NFAT5: variants seen among roughly 807,000 people sequenced by gnomAD.
The protein encoded by NFAT5 is nuclear factor of activated T cells 5, also known as nuclear factor of activated T-cells 5.
In NFAT5, 31 loss-of-function variants were observed where a neutral mutation model predicts 166.5. The ratio of observed to expected loss-of-function variants is 0.19; its 90% CI spans 0.14 to 0.25. The LOEUF (loss-of-function observed/expected upper bound fraction) is 0.25. NFAT5 is among the 10% of genes least tolerant of loss of function. The probability of loss-of-function intolerance (pLI) is 1.00; values close to 1 mark genes in which losing one functional copy is unlikely to be tolerated. For synonymous variants in NFAT5, 612 were observed against 639.7 expected (o/e 0.96, Z 0.65); for missense variants, 1,449 against 1,821.8 (o/e 0.80, Z 3.72).
chr16:69,679,698 A>C (rs949195510), intron 10 of NFAT5, among the ~76,000 whole-genome samples: 3 of 152,242 alleles, frequency 2.0e-5, no homozygotes, highest in Non-Finnish European at 4.4e-5. Flanking sequence ...GGCAAAGTTT[A>C]GAAATAACAT....
chr16:69,576,430 A>G (rs2016757217), intron 2 of NFAT5, among the ~76,000 whole-genome samples: 1 of 152,196 alleles, frequency 6.6e-6, no homozygotes, highest in Admixed American at 6.5e-5. Flanking sequence ...TAAAGTAATG[A>G]GACAAATTTT....
At chr16:69,602,283 T>TC (rs1465199622) in intron 2 of NFAT5, among the ~76,000 whole-genome samples, 1 of 151,742 alleles carries the variant, frequency 6.6e-6, no homozygotes, top group Non-Finnish European at 1.5e-5. Flanking sequence ...TTTTTTTTTT[T>TC]TTTGAAATGG....
chr16:69,653,960 C>A (rs540798643), intron 5 of NFAT5, among the ~76,000 whole-genome samples: 1 of 151,518 alleles, frequency 6.6e-6, no homozygotes, highest in African/African-American at 2.4e-5. Flanking sequence ...TTAAGGCTTA[C>A]GGTTTAAGAA....
chr16:69,589,570 A>G (rs1439058487), intron 2 of NFAT5, among the ~76,000 whole-genome samples: 1 of 152,216 alleles, frequency 6.6e-6, no homozygotes, highest in African/African-American at 2.4e-5. Flanking sequence ...ACAGCTGGGA[A>G]TAGACAGAGT....
intron 11 of NFAT5, chr16:69,686,173 A>G (rs900506158): frequency 1.3e-5 from 2 of 151,328 alleles, no homozygotes; most frequent in African/African-American, 4.9e-5. Flanking sequence ...ACATAGCGAA[A>G]CCCCATCTCT....
intron 2 of NFAT5, among the ~76,000 whole-genome samples, chr16:69,596,703 G>C (rs1597374687): frequency 7.0e-6 from 1 of 143,804 alleles, no homozygotes; most frequent in Non-Finnish European, 1.5e-5. Flanking sequence ...GGGCGACAGA[G>C]CAAGACTCTA....
At chr16:69,589,840 AC>A (rs1449394953) in intron 2 of NFAT5, among the ~76,000 whole-genome samples, 1 of 152,048 alleles carries the variant, frequency 6.6e-6, no homozygotes, top group Non-Finnish European at 1.5e-5. Flanking sequence ...ATCATAGATG[AC>A]TCATTGACAC....
intron 10 of NFAT5, among the ~76,000 whole-genome samples, chr16:69,679,585 A>C (rs950698499): frequency 6.6e-6 from 1 of 152,066 alleles, no homozygotes; most frequent in African/African-American, 2.4e-5. Flanking sequence ...ACTATACTCT[A>C]GCCTGGGAAA....
intron 4 of NFAT5, among the ~76,000 whole-genome samples, chr16:69,650,424 A>T (rs944346150): frequency 6.6e-6 from 1 of 151,288 alleles, no homozygotes; most frequent in East Asian, 1.9e-4. Context: ...GAAAAAAAAG[A>T]TAGTTTTAAG....
In NFAT5 at chr16:69,693,736, C is replaced by A; in HGVS notation, c.3911C>A (p.Pro1304Gln). ...MATMASPKQPPPNMIFNPNQN... is the reference protein window; with the variant it reads ...MATMASPKQPQPNMIFNPNQN... ...ACAATGGCGTCTCCAAAGCAACCAC[C>A]ACCAAACATGATATTCAACCCAAAT... The change falls in exon 13 of 15, where the codon CCA becomes CAA. Residue 1304 changes from proline to glutamine, a missense_variant. Pro to Gln is a moderately conservative substitution (Grantham distance 76). Around this residue, in one of 7 missense-constraint regions of NFAT5, gnomAD observed 891 missense variants for 993.0 expected, o/e 0.90. Coordinates refer to ENST00000349945, the MANE Select transcript of NFAT5 (RefSeq NM_138713.4). 6.2e-7 allele frequency: 1 copy of A among 1,614,192 alleles called. No individual in the cohort carries two copies. The highest frequency in any genetic ancestry group is 8.5e-7 in the Non-Finnish European group (1 of 1,180,026).
chr16:69,615,975 A>T (rs9746717), intron 2 of NFAT5, among the ~76,000 whole-genome samples: 1 of 152,022 alleles, frequency 6.6e-6, no homozygotes. Flanking sequence ...GGGCAGCCCT[A>T]CTAGGTAGAT....
rs1443526888 is a variant in NFAT5, at chr16:69,696,483, T to C, written c.*132T>C. The C allele has an allele frequency of 6.6e-6, 1 of 152,664 alleles. No homozygotes were observed. The highest frequency in any genetic ancestry group is 1.5e-5 in the Non-Finnish European group (1 of 68,040). 9.5% of individuals were successfully genotyped at this position (152,664 alleles called of 1,614,324 possible). A position where few individuals can be genotyped will look rare whatever the true frequency, so the allele number is the denominator to read the frequency against. ...GTTTGAGTAAACTGATAGATTTTACTCTGACTGCAAAAGAGCACACCTATG... is the reference window on the plus strand; with the variant it reads ...GTTTGAGTAAACTGATAGATTTTACCCTGACTGCAAAAGAGCACACCTATG... On this transcript the variant is annotated 3_prime_UTR_variant, in exon 15 of 15. Coordinates refer to ENST00000349945, the MANE Select transcript of NFAT5 (RefSeq NM_138713.4).
intron 2 of NFAT5, among the ~76,000 whole-genome samples, chr16:69,569,323 C>G (rs149412344): frequency 1.4e-5 from 2 of 145,792 alleles, no homozygotes; most frequent in South Asian, 4.3e-4. Flanking sequence ...AATTAAGAAA[C>G]CAAAAAAAAA....
chr16:69,697,972 A>C lies in NFAT5; in HGVS notation c.*1621A>C, dbSNP rs1329438782. ...TTTTTTTTTTCTATCCTGTACATTT[A>C]GTTGAACTGTGCGGAATTGTGGTGT... On this transcript the variant is annotated 3_prime_UTR_variant, in exon 15 of 15. Coordinates refer to ENST00000349945, the MANE Select transcript of NFAT5 (RefSeq NM_138713.4). 8.1e-6 allele frequency: 1 copy of C among 122,718 alleles called. No individual in the cohort carries two copies. Among genetic ancestry groups the C allele is most frequent in the African/African-American group, 3.1e-5 (1 of 32,222 alleles). 7.6% of individuals were successfully genotyped at this position (122,718 alleles called of 1,614,324 possible).
In NFAT5 at chr16:69,566,598, G is replaced by A. The variant is rs2142881265; in HGVS notation, c.73+224G>A. 6.6e-6 allele frequency among the ~76,000 whole-genome samples: 1 copy of A among 152,110 alleles called. No homozygotes were observed. Among genetic ancestry groups the A allele is most frequent in the East Asian group, 1.9e-4 (1 of 5,140 alleles). On this transcript the variant is annotated intron_variant, in intron 1 of 14. Coordinates refer to ENST00000349945, the MANE Select transcript of NFAT5 (RefSeq NM_138713.4). This position sits in a 1 kb window ranked among gnomAD's most constrained non-coding sequence, Gnocchi z 5.7. ...CCCCCGCGGAGCCGCCGGCCGCTCGGGGCCCAGATTCCGTCGGCCCCCGGG... is the reference window on the plus strand; with the variant it reads ...CCCCCGCGGAGCCGCCGGCCGCTCGAGGCCCAGATTCCGTCGGCCCCCGGG...
At chr16:69,578,471 A>G (rs980000780) in intron 2 of NFAT5, among the ~76,000 whole-genome samples, 1 of 152,228 alleles carries the variant, frequency 6.6e-6, no homozygotes, top group Admixed American at 6.5e-5. Context: ...TAGCAATTCA[A>G]TAGAACACTT....
intron 11 of NFAT5, among the ~76,000 whole-genome samples, chr16:69,687,969 T>C (rs925117626): frequency 1.4e-5 from 2 of 145,272 alleles, no homozygotes; most frequent in Non-Finnish European, 3.0e-5. Flanking sequence ...CCGAGGCGGG[T>C]GGATCATGAG....
chr16:69,585,429 A>G (rs2031992582), intron 2 of NFAT5, among the ~76,000 whole-genome samples: 1 of 152,134 alleles, frequency 6.6e-6, no homozygotes, highest in Non-Finnish European at 1.5e-5. Flanking sequence ...CCCCCAAAAA[A>G]GTTAAACATA....
chr16:69,612,699 GAC>G (rs61143173), intron 2 of NFAT5, among the ~76,000 whole-genome samples: 8 of 149,990 alleles, frequency 5.3e-5, no homozygotes, highest in South Asian at 2.1e-4. Flanking sequence ...CATACACAGA[GAC>G]ACACACACAC....
Sources: gnomAD v4.1 joint callset for allele counts (sites outside exome capture counted in the v4.1 genomes callset) on GRCh38, gnomAD v4.1.1 for gene constraint, gnomAD v4.1.1 regional missense constraint, Gnocchi (gnomAD v3.1) non-coding constraint, MANE v1.5 for transcripts, NCBI Gene and HGNC (gene_info 2026-07-23, HGNC 2026-07-21) for gene names.